The following ZNF420 variants were observed in gnomAD, a reference collection of about 807,000 sequenced individuals.
ZNF420 encodes zinc finger protein 420.
Under a neutral mutation model 44.7 loss-of-function variants are expected in ZNF420, and 31 were observed. The observed-to-expected ratio is 0.69, with a 90% confidence interval of 0.52 to 0.94. ZNF420 has a LOEUF of 0.94. ZNF420 is among the 40% of genes least tolerant of loss of function. ZNF420 has a pLI of 0.00. For missense variants in ZNF420, 681 were observed against 827.9 expected, an observed-to-expected ratio of 0.82 and a Z score of 2.18; for synonymous variants, 245 against 267.4, an observed-to-expected ratio of 0.92 and a Z score of 0.82.
chr19:37,107,211 G>T (rs1970142271), intron 4 of ZNF420: 1 of 152,090 alleles, frequency 6.6e-6, no homozygotes, highest in South Asian at 2.1e-4. Flanking sequence ...GGACAGTCAG[G>T]TCTTACCCTT....
intron 1 of ZNF420, among the ~76,000 whole-genome samples, chr19:37,055,107 G>A (rs916938829): frequency 1.3e-5 from 2 of 152,226 alleles, no homozygotes; most frequent in Non-Finnish European, 2.9e-5. Flanking sequence ...TCAGCTGCAT[G>A]TGGAAGCTTA....
chr19:37,070,252 CT>C (rs1310709561), intron 1 of ZNF420, among the ~76,000 whole-genome samples: 1 of 152,022 alleles, frequency 6.6e-6, no homozygotes, highest in Non-Finnish European at 1.5e-5. Flanking sequence ...TGTATCTCTC[CT>C]TTAACTTACT....
At chr19:37,088,963 A>G (rs1968981369) in intron 2 of ZNF420, 76 bp from the exon 3 acceptor site, 4 of 705,952 alleles carry the variant, frequency 5.7e-6, no homozygotes, top group Admixed American at 4.2e-5. Context: ...GAAAAGAACA[A>G]CAAAGATAAT....
At chr19:37,118,683 TAA>T (rs1196004048) in intron 4 of ZNF420, among the ~76,000 whole-genome samples, 4 of 151,736 alleles carry the variant, frequency 2.6e-5, no homozygotes, top group East Asian at 1.9e-4. Context: ...GCAAATTGGA[TAA>T]AGAGTCAAGA....
At chr19:37,125,475 A>G (rs1971295826) in intron 4 of ZNF420, among the ~76,000 whole-genome samples, 1 of 152,204 alleles carries the variant, frequency 6.6e-6, no homozygotes. Context: ...ACCACAGATC[A>G]CTGGTTTCTA....
chr19:37,066,514 T>C (rs1967969981), intron 1 of ZNF420, among the ~76,000 whole-genome samples: 1 of 152,076 alleles, frequency 6.6e-6, no homozygotes, highest in African/African-American at 2.4e-5. Flanking sequence ...TTTGACCAGA[T>C]ACTTCACAAA....
chr19:37,067,187 G>A (rs894376089), intron 1 of ZNF420, among the ~76,000 whole-genome samples: 1 of 152,104 alleles, frequency 6.6e-6, no homozygotes, highest in Non-Finnish European at 1.5e-5. Context: ...AACTTTCTAG[G>A]GTGATGGTAT....
At chr19:37,117,807 C>G (rs1462672610) in intron 4 of ZNF420, among the ~76,000 whole-genome samples, 2 of 152,070 alleles carry the variant, frequency 1.3e-5, no homozygotes, top group East Asian at 3.8e-4. Flanking sequence ...AGCCAAGGCT[C>G]AAGAACTATG....
intron 1 of ZNF420, among the ~76,000 whole-genome samples, chr19:37,044,607 T>C (rs1967512524): frequency 6.6e-6 from 1 of 152,024 alleles, no homozygotes; most frequent in Non-Finnish European, 1.5e-5. Flanking sequence ...GGCTCATGCC[T>C]GTAATCCCAG....
chr19:37,041,048 G>C (rs1043196256), intron 1 of ZNF420, among the ~76,000 whole-genome samples: 2 of 151,990 alleles, frequency 1.3e-5, no homozygotes, highest in Non-Finnish European at 2.9e-5. Flanking sequence ...TCCCAGCCGG[G>C]CATGGTGGCT....
At chr19:37,032,194 G>A (rs1967271624) in intron 1 of ZNF420, among the ~76,000 whole-genome samples, 1 of 152,096 alleles carries the variant, frequency 6.6e-6, no homozygotes, top group Admixed American at 6.5e-5. Context: ...AATACAATTA[G>A]CCTGGCGTGG....
intron 1 of ZNF420, among the ~76,000 whole-genome samples, chr19:37,063,738 C>T (rs1967919423): frequency 6.6e-6 from 1 of 152,090 alleles, no homozygotes. Flanking sequence ...TGCATATTTC[C>T]TACAAAAAGG....
At chr19:37,081,942 T>C (rs1481982061) in intron 2 of ZNF420, among the ~76,000 whole-genome samples, 1 of 152,054 alleles carries the variant, frequency 6.6e-6, no homozygotes, top group Non-Finnish European at 1.5e-5. Flanking sequence ...TAGGAAATGG[T>C]CTTCCTTGTC....
intron 4 of ZNF420, among the ~76,000 whole-genome samples, chr19:37,122,324 G>A (rs1307193302): frequency 6.6e-6 from 1 of 152,130 alleles, no homozygotes; most frequent in Admixed American, 6.6e-5. Flanking sequence ...GGACATGGAT[G>A]AAACTGGAAA....
chr19:37,060,021 G>A (rs1216714594), intron 1 of ZNF420, among the ~76,000 whole-genome samples: 1 of 152,060 alleles, frequency 6.6e-6, no homozygotes, highest in Non-Finnish European at 1.5e-5. Context: ...CTTTTTCTGC[G>A]TCTGCCTGGG....
At chr19:37,046,789 ATGAT>A (rs1421939137) in intron 1 of ZNF420, among the ~76,000 whole-genome samples, 4 of 152,198 alleles carry the variant, frequency 2.6e-5, no homozygotes, top group South Asian at 4.1e-4. Flanking sequence ...GCCAAGGATT[ATGAT>A]TGATCCAATT....
chr19:37,059,127 G>A (rs562021794), intron 1 of ZNF420, among the ~76,000 whole-genome samples: 1 of 152,330 alleles, frequency 6.6e-6, no homozygotes, highest in East Asian at 1.9e-4. Context: ...CAGGCGCCCT[G>A]AAGCTCCCCC....
intron 4 of ZNF420, among the ~76,000 whole-genome samples, chr19:37,093,351 C>G (rs2146551977): frequency 6.6e-6 from 1 of 152,200 alleles, no homozygotes; most frequent in South Asian, 2.1e-4. Context: ...GCCTCCCCAG[C>G]AGCTGGGATT....
intron 1 of ZNF420, among the ~76,000 whole-genome samples, chr19:37,026,147 C>T (rs1034248658): frequency 4.0e-5 from 6 of 151,242 alleles, no homozygotes. Context: ...AACCCCATCT[C>T]TACTAAAATA....
Sources: allele counts gnomAD v4.1 joint callset (sites outside exome capture counted in the v4.1 genomes callset), GRCh38; gene constraint gnomAD v4.1.1; transcripts MANE v1.5; gene names NCBI Gene and HGNC (gene_info 2026-07-23, HGNC 2026-07-21).